Variants in UQCRH observed in about 807,000 individuals in gnomAD.
UQCRH encodes ubiquinol-cytochrome c reductase hinge protein.
A neutral mutation model predicts 16.3 loss-of-function variants in UQCRH; 14 were observed. That is an observed-to-expected ratio of 0.86 (90% CI 0.57 to 1.34). UQCRH has a LOEUF of 1.34. Ranked by LOEUF, UQCRH falls within the 40% of genes most tolerant of loss-of-function variation. UQCRH has a pLI of 0.00. For missense variants in UQCRH, 89 were observed against 111.9 expected (o/e 0.80, Z 0.92); for synonymous variants, 41 against 41.9 (o/e 0.98, Z 0.08).
chr1:46,309,711 G>T, intron 2 of UQCRH: 4 of 260,122 alleles, frequency 1.5e-5, no homozygotes, highest in Non-Finnish European at 2.7e-5. Context: ...ACCTTTGTTA[G>T]ATAGTCCTTC....
chr1:46,306,922 G>T (rs1661387083), intron 1 of UQCRH, among the ~76,000 whole-genome samples: 1 of 152,136 alleles, frequency 6.6e-6, no homozygotes, highest in African/African-American at 2.4e-5. Context: ...TCTCACTCTT[G>T]TCACCCAGAC....
chr1:46,314,752 C>T (rs891577808), intron 3 of UQCRH, among the ~76,000 whole-genome samples: 4 of 151,578 alleles, frequency 2.6e-5, no homozygotes, highest in Non-Finnish European at 5.9e-5. Flanking sequence ...AACTAAGTGT[C>T]AAGGAAGACA....
rs1661441179 is a variant in UQCRH, at chr1:46,310,177, A to G, written c.104A>G (p.Glu35Gly). Residue 35 changes from glutamate to glycine, a missense_variant, in exon 3 of 4, where the codon GAG becomes GGG. Physicochemically the swap from Glu to Gly is moderately conservative, Grantham distance 98 (BLOSUM62 -2). Coordinates refer to ENST00000311672, the MANE Select transcript of UQCRH (RefSeq NM_006004.4). ...CAGGATCCCCTAACAACAGTGAGAG[A>G]GCAATGCGAGCAGTTGGAGAAATGT... is the stretch of plus-strand genomic sequence containing the variant. ...ELVDPLTTVR[E>G]QCEQLEKCVK... The G allele has an allele frequency of 6.2e-7, 1 of 1,614,176 alleles. No individual in the cohort carries two copies. The highest frequency in any genetic ancestry group is 8.5e-7 in the Non-Finnish European group (1 of 1,180,026).
At chr1:46,305,150 T>C (rs1661343518) in intron 1 of UQCRH, among the ~76,000 whole-genome samples, 1 of 151,254 alleles carries the variant, frequency 6.6e-6, no homozygotes, top group Non-Finnish European at 1.5e-5. Context: ...ACCCCGTCTC[T>C]ACAAAAAATA....
At chr1:46,312,859 TCAA>T (rs1371688454) in intron 3 of UQCRH, among the ~76,000 whole-genome samples, 1 of 152,106 alleles carries the variant, frequency 6.6e-6, no homozygotes, top group Non-Finnish European at 1.5e-5. Flanking sequence ...GAAAAGATGT[TCAA>T]CATCATTAGC....
intron 1 of UQCRH, among the ~76,000 whole-genome samples, chr1:46,305,209 G>A (rs1422556283): frequency 1.3e-5 from 2 of 150,684 alleles, no homozygotes; most frequent in Admixed American, 1.3e-4. Context: ...TCAACTGCTC[G>A]GGAGTTTGAG....
chr1:46,304,835 A>C (rs910256589), intron 1 of UQCRH, among the ~76,000 whole-genome samples: 5 of 152,234 alleles, frequency 3.3e-5, no homozygotes, highest in African/African-American at 1.2e-4. Flanking sequence ...ATTGCGGCCA[A>C]GCAGCGCGGT....
In UQCRH at chr1:46,316,658, ATT is replaced by A. The variant is rs1661593905; in HGVS notation, c.*76_*77del. 2 of 1,597,054 alleles carry A rather than the reference ATT, an allele frequency of 1.3e-6. No homozygotes were observed. Among genetic ancestry groups the A allele is most frequent in the East Asian group, 4.5e-5 (2 of 44,464 alleles). Reference sequence around the variant, plus strand: ...ATTTCCTTATGGTTTTGGATGTACCATTTGTTTCTTATTTGTGTAACTGTAAG... The same window carrying A: ...ATTTCCTTATGGTTTTGGATGTACCATGTTTCTTATTTGTGTAACTGTAAG... On this transcript the variant is annotated 3_prime_UTR_variant, in exon 4 of 4. Transcript: ENST00000311672.
chr1:46,314,474 C>T (rs1661541905), intron 3 of UQCRH, among the ~76,000 whole-genome samples: 1 of 151,848 alleles, frequency 6.6e-6, no homozygotes, highest in Non-Finnish European at 1.5e-5. Flanking sequence ...AGTTCGAGAC[C>T]AGCTTGACCA....
chr1:46,311,570 C>G (rs1661476673), intron 3 of UQCRH, among the ~76,000 whole-genome samples: 1 of 150,170 alleles, frequency 6.7e-6, no homozygotes, highest in African/African-American at 2.4e-5. Context: ...TCAAATGTGT[C>G]TAATATATAG....
At chr1:46,310,459 G>A in intron 3 of UQCRH, 143 bp downstream of exon 3, 2 of 1,239,014 alleles carry the variant, frequency 1.6e-6, no homozygotes, top group South Asian at 1.5e-5. Context: ...AGCATTTTAT[G>A]TAAATAACCT....
At chr1:46,311,323 AGGCGG>A (rs1661469407) in intron 3 of UQCRH, among the ~76,000 whole-genome samples, 1 of 9,860 alleles carries the variant, frequency 1.0e-4, no homozygotes, top group Non-Finnish European at 2.6e-4. Flanking sequence ...GCACTTTGGG[AGGCGG>A]AGGCGGAGGC....
intron 3 of UQCRH, among the ~76,000 whole-genome samples, chr1:46,314,978 T>C (rs906998972): frequency 6.6e-6 from 1 of 152,180 alleles, no homozygotes; most frequent in African/African-American, 2.4e-5. Flanking sequence ...ACAATGGGAA[T>C]GCACTTAACT....
chr1:46,305,689 T>C (rs949006757), intron 1 of UQCRH, among the ~76,000 whole-genome samples: 5 of 151,898 alleles, frequency 3.3e-5, no homozygotes, highest in Admixed American at 2.0e-4. Flanking sequence ...AGGCGAAGCT[T>C]GCAGTGAGCC....
At chr1:46,304,664 C>G (rs1337883304) in intron 1 of UQCRH, among the ~76,000 whole-genome samples, 1 of 152,136 alleles carries the variant, frequency 6.6e-6, no homozygotes, top group African/African-American at 2.4e-5. Context: ...GGATTACAGG[C>G]GTGAGCCACC....
At chr1:46,315,660 A>T (rs1411252587) in intron 3 of UQCRH, among the ~76,000 whole-genome samples, 1 of 151,390 alleles carries the variant, frequency 6.6e-6, no homozygotes, top group Non-Finnish European at 1.5e-5. Context: ...TTTATGTTAG[A>T]TGTATTTTAT....
Position 46,316,700 on chromosome 1 carries a change from A to T in UQCRH, c.*116A>T. 1 of 1,510,330 alleles carries T rather than the reference A, an allele frequency of 6.6e-7. No individual in the cohort carries two copies. The highest frequency in any genetic ancestry group is 9.0e-7 in the Non-Finnish European group (1 of 1,113,472). 93.6% of individuals were successfully genotyped at this position (1,510,330 alleles called of 1,614,324 possible). ...GTAACTGTAAGTTCACATGAACCTC[A>T]TGGGTTTGGCTTAGGCTGGTAGCTT... On this transcript the variant is annotated 3_prime_UTR_variant, in exon 4 of 4. Coordinates refer to ENST00000311672, the MANE Select transcript of UQCRH (RefSeq NM_006004.4).
chr1:46,306,496 C>A (rs1247353270), intron 1 of UQCRH, among the ~76,000 whole-genome samples: 1 of 151,216 alleles, frequency 6.6e-6, no homozygotes, highest in East Asian at 2.0e-4. Flanking sequence ...GCCTCAGTCT[C>A]CCGAGTAGCT....
intron 3 of UQCRH, among the ~76,000 whole-genome samples, chr1:46,311,378 G>A (rs1166462312): frequency 6.6e-6 from 1 of 150,600 alleles, no homozygotes; most frequent in Admixed American, 6.6e-5. Context: ...AGGAGATTGA[G>A]ACCATCTTGG....
Sources: gnomAD v4.1 joint callset for allele counts (sites outside exome capture counted in the v4.1 genomes callset) on GRCh38, gnomAD v4.1.1 for gene constraint, MANE v1.5 for transcripts, NCBI Gene and HGNC (gene_info 2026-07-23, HGNC 2026-07-21) for gene names.